The following VPS13C variants were observed in gnomAD, a reference collection of about 807,000 sequenced individuals.
VPS13C encodes the protein vacuolar protein sorting 13 homolog C, also known as intermembrane lipid transfer protein VPS13C.
A neutral mutation model predicts 456.8 loss-of-function variants in VPS13C; 358 were observed. The observed-to-expected ratio is 0.78, with a 90% CI of 0.72 to 0.86. The LOEUF (loss-of-function observed/expected upper bound fraction) is 0.86. VPS13C is among the 40% of genes least tolerant of loss of function. The pLI is 0.00. For missense variants in VPS13C, 4,818 were observed against 4,385.4 expected (o/e 1.10, Z -2.79); for synonymous variants, 1,578 against 1,486.7 (o/e 1.06, Z -1.41).
chr15:61,973,729 A>AT (rs2045623315), intron 25 of VPS13C, among the ~76,000 whole-genome samples, 197 bp from the exon 26 acceptor site: 1 of 152,158 alleles, frequency 6.6e-6, no homozygotes, highest in Non-Finnish European at 1.5e-5. Context: ...TTTACAAATT[A>AT]TTAAGTCTAC....
intron 37 of VPS13C, among the ~76,000 whole-genome samples, chr15:61,956,335 G>A (rs923001748): frequency 1.3e-5 from 2 of 151,762 alleles, no homozygotes; most frequent in South Asian, 2.1e-4. Context: ...GAGGGGAGAG[G>A]GGGGGACTGG....
chr15:61,951,612 A>G (rs2044795082), intron 39 of VPS13C, among the ~76,000 whole-genome samples: 1 of 152,198 alleles, frequency 6.6e-6, no homozygotes, highest in Non-Finnish European at 1.5e-5. Context: ...AAAAATTTAA[A>G]AAACAAATAA....
At chr15:61,954,695 C>G in intron 37 of VPS13C, 141 bp from the exon 38 acceptor site, 1 of 807,036 alleles carries the variant, frequency 1.2e-6, no homozygotes, top group Non-Finnish European at 1.9e-6. Flanking sequence ...CCTTGGAAAA[C>G]TCATGGTTTA....
intron 27 of VPS13C, among the ~76,000 whole-genome samples, chr15:61,969,668 T>C (rs980379562): frequency 6.6e-6 from 1 of 152,204 alleles, no homozygotes; most frequent in African/African-American, 2.4e-5. Flanking sequence ...TGACAGAATT[T>C]AACTTCATTG....
chr15:61,961,690 G>A lies in VPS13C; in HGVS notation c.3807C>T (p.Ile1269=). 1 of 1,614,008 alleles carries A rather than the reference G, an allele frequency of 6.2e-7. No individual in the cohort carries two copies. The highest frequency in any genetic ancestry group is 8.5e-7 in the Non-Finnish European group (1 of 1,179,946). Residue 1269 remains isoleucine, a synonymous_variant, in exon 35 of 85, where the codon ATC becomes ATT. Transcript: ENST00000644861. ...TNAVVVDLGL[I]RVHNQFSLVS... ...CCAGACTGAACTGATTATGAACTCT[G>A]ATTAACCCAAGATCTACCACTACTG...
rs1322042683 is a variant in VPS13C, at chr15:61,920,597, A to C, written c.7113T>G (p.Phe2371Leu). Residue 2371 changes from phenylalanine (F) to leucine (L), a missense_variant, in exon 56 of 85, where the codon TTT (phenylalanine) becomes TTG (leucine). Phe to Leu is a conservative substitution (Grantham distance 22, BLOSUM62 0). Coordinates refer to ENST00000644861, the MANE Select transcript of VPS13C (RefSeq NM_020821.3). ...GAATTGCCATTTGTGGCTCAGGAAT[A>C]AAATCATCTCCTGGCAGCAAACTTT... ...QDKSLLPGDD[F>L]IPEPQMAIHI... is the part of the protein sequence containing the mutation. 6.3e-7 allele frequency: 1 copy of C among 1,595,092 alleles called. No homozygotes were observed. The highest frequency in any genetic ancestry group is 8.5e-7 in the Non-Finnish European group (1 of 1,175,030).
chr15:61,907,394 A>G lies in VPS13C; in HGVS notation c.8979-4T>C, dbSNP rs887986379. 8.7e-6 allele frequency: 14 copies of G among 1,613,346 alleles called. No homozygotes were observed. The highest frequency in any genetic ancestry group is 1.2e-5 in the Non-Finnish European group (14 of 1,179,610). ...GACCATTTCTTCTGGTGACCCACTA[A>G]AACACAATGAACAGAGAGAAAATCA... On this transcript the variant is annotated splice_region_variant and splice_polypyrimidine_tract_variant and intron_variant, in intron 65 of 84. Transcript: ENST00000644861.
At chr15:61,879,311 A>G (rs1226574687) in intron 73 of VPS13C, 1 of 152,146 alleles carries the variant, frequency 6.6e-6, no homozygotes, top group African/African-American at 2.4e-5. Flanking sequence ...TGTGTAAATA[A>G]AGTAGATGAA....
At chr15:61,931,066 A>G (rs751824805) in intron 50 of VPS13C, 24 bp downstream of exon 50, 23 of 1,613,172 alleles carry the variant, frequency 1.4e-5, no homozygotes, top group Non-Finnish European at 1.9e-5. Context: ...TAAATAATGT[A>G]TTGCAAACTC....
chr15:61,927,907 C>T (rs1386910555), intron 51 of VPS13C, among the ~76,000 whole-genome samples: 1 of 152,068 alleles, frequency 6.6e-6, no homozygotes, highest in Non-Finnish European at 1.5e-5. Flanking sequence ...ATGGATGAAG[C>T]TGGAAACCAT....
At chr15:61,943,100 T>C (rs1481892739) in intron 45 of VPS13C, among the ~76,000 whole-genome samples, 1 of 152,082 alleles carries the variant, frequency 6.6e-6, no homozygotes, top group African/African-American at 2.4e-5. Context: ...TAGGAAACAC[T>C]GCTGAAAGAA....
In VPS13C at chr15:61,873,257, C is replaced by G; in HGVS notation, c.10567G>C (p.Gly3523Arg). The change falls in exon 78 of 85, where the codon GGC (glycine) becomes CGC (arginine). Residue 3523 changes from glycine to arginine, a missense_variant. Gly to Arg is a moderately radical substitution (Grantham distance 125). Coordinates refer to ENST00000644861, the MANE Select transcript of VPS13C (RefSeq NM_020821.3). ...FGDSLARGGK[G>R]FLRGVVGGVT... ...AGCAAAGAACTTACTCGCAGAAAGCCCTTTCCTCCTCTGGCCAGGCTGTCT... is the reference window on the plus strand; with the variant it reads ...AGCAAAGAACTTACTCGCAGAAAGCGCTTTCCTCCTCTGGCCAGGCTGTCT... The G allele has an allele frequency of 6.2e-7, 1 of 1,613,428 alleles. No homozygotes were observed.
intron 3 of VPS13C, among the ~76,000 whole-genome samples, chr15:62,038,338 C>A (rs1312066248): frequency 6.6e-6 from 1 of 152,126 alleles, no homozygotes; most frequent in East Asian, 1.9e-4. Context: ...CCTGTAATCC[C>A]AGCATTTTGG....
intron 15 of VPS13C, 145 bp from the exon 16 acceptor site, chr15:62,000,771 G>T: frequency 3.6e-6 from 2 of 558,794 alleles, no homozygotes; most frequent in Non-Finnish European, 2.9e-6. Context: ...ATGTATTCTA[G>T]ACTTTTAAAT....
At chr15:61,890,054 T>G in intron 67 of VPS13C, 111 bp downstream of exon 67, 1 of 937,418 alleles carries the variant, frequency 1.1e-6, no homozygotes, top group East Asian at 2.6e-5. Context: ...ACTGAATAAA[T>G]ATACAGCATA....
In VPS13C at chr15:61,854,871, C is replaced by A; in HGVS notation, c.11160G>T (p.Glu3720Asp). ...GAGGCATGCTCTTTAAATTGTTTAC[C>A]TCTGCTGTGGCGGTGTCCTTCAGGT... The part of the protein sequence containing the change: ...KVYLKDTATA[E>D]RACNAIEDAQ... Residue 3720 changes from glutamate to aspartate, a missense_variant and splice_region_variant, in exon 84 of 85, where the codon GAG becomes GAT. By Grantham distance (45) the Glu-to-Asp change is conservative. This residue lies in a region of VPS13C where 261 missense variants were observed against 234.1 expected (regional missense o/e 1.11). Transcript: ENST00000644861. 6.2e-7 allele frequency: 1 copy of A among 1,603,050 alleles called. No homozygotes were observed. Among genetic ancestry groups the A allele is most frequent in the South Asian group, 1.1e-5 (1 of 88,440 alleles).
chr15:61,988,377 C>T (rs1006448698), intron 18 of VPS13C, among the ~76,000 whole-genome samples: 3 of 152,110 alleles, frequency 2.0e-5, no homozygotes, highest in East Asian at 3.8e-4. Flanking sequence ...TTTAAAGACA[C>T]TTATACCAAT....
rs759474270 is a variant in VPS13C at position 61,884,196 on chromosome 15, C to T, written c.9415G>A (p.Glu3139Lys). The change falls in exon 68 of 85, where the codon GAA becomes AAA. Residue 3139 changes from glutamate (E) to lysine (K), a missense_variant. Glu to Lys is a moderately conservative substitution (Grantham distance 56, BLOSUM62 1). Around this residue, in one of 3 missense-constraint regions of VPS13C, gnomAD observed 4,552 missense variants for 4,130.6 expected, o/e 1.10. Transcript: ENST00000644861. ...ATTTGATGTTTCTGATAGGATTGTT[C>T]CAATAAGATTATCTGCTTTTGACTA... The part of the protein sequence containing the change: ...PFSQKQIILL[E>K]QSYQKHQISR... 13 of 1,610,260 alleles carry T rather than the reference C, an allele frequency of 8.1e-6. No homozygotes were observed. Among genetic ancestry groups the T allele is most frequent in the Non-Finnish European group, 1.7e-6 (2 of 1,178,628 alleles).
intron 81 of VPS13C, chr15:61,864,427 G>A (rs1894399487): frequency 1.2e-6 from 1 of 865,696 alleles, no homozygotes; most frequent in African/African-American, 1.8e-5. Flanking sequence ...TACTATTACT[G>A]ACATTATATA....
Sources: allele counts gnomAD v4.1 joint callset (sites outside exome capture counted in the v4.1 genomes callset), GRCh38; gene constraint gnomAD v4.1.1; regional missense constraint gnomAD v4.1.1; transcripts MANE v1.5; gene names NCBI Gene and HGNC (gene_info 2026-07-23, HGNC 2026-07-21).